The following STK3 variants were observed in gnomAD, a reference collection of about 807,000 sequenced individuals.
STK3 encodes serine/threonine-protein kinase 3.
STK3 carries 41 observed loss-of-function variants against 58.0 expected under a neutral mutation model. The observed-to-expected ratio is 0.71, with a 90% CI of 0.55 to 0.92. The LOEUF (loss-of-function observed/expected upper bound fraction) is 0.92, where lower values mean the gene tolerates loss of function less well. Ranked by LOEUF, STK3 falls within the 40% of genes least tolerant of loss-of-function variation. The pLI is 0.00. For missense variants in STK3, 479 were observed against 602.7 expected, an observed-to-expected ratio of 0.79 and a Z score of 2.15; for synonymous variants, 170 against 191.0, an observed-to-expected ratio of 0.89 and a Z score of 0.91.
intron 1 of STK3, among the ~76,000 whole-genome samples, chr8:98,930,540 A>T (rs1187156510): frequency 1.3e-5 from 2 of 151,308 alleles, no homozygotes; most frequent in East Asian, 1.9e-4. Flanking sequence ...TATGTAGCTT[A>T]AAAAAAAATG....
intron 6 of STK3, among the ~76,000 whole-genome samples, chr8:98,662,087 T>C (rs994033528): frequency 3.3e-5 from 5 of 152,232 alleles, no homozygotes; most frequent in Admixed American, 3.3e-4. Context: ...ATGGAGTAAG[T>C]GTTTAATCAA....
At chr8:98,587,597 G>A (rs1365586388) in intron 7 of STK3, among the ~76,000 whole-genome samples, 7 of 152,240 alleles carry the variant, frequency 4.6e-5, no homozygotes, top group East Asian at 1.9e-4. Context: ...GGAGAGTTCT[G>A]TAGATGTCTA....
At chr8:98,614,548 C>A (rs895943562) in intron 6 of STK3, among the ~76,000 whole-genome samples, 3 of 152,168 alleles carry the variant, frequency 2.0e-5, no homozygotes, top group African/African-American at 7.2e-5. Context: ...TCTGAGGTAC[C>A]GGGTTCATCT....
rs182759193 is a variant in STK3 at position 98,444,087 on chromosome 8, C to T, written n.186-6879G>A. 7.9e-5 allele frequency among the ~76,000 whole-genome samples: 12 copies of T among 152,306 alleles called. No individual in the cohort carries two copies. In the East Asian group the frequency reaches 1.3e-3, roughly 17 times the overall value. On this transcript the variant is annotated intron_variant and non_coding_transcript_variant, in intron 1 of 3. Transcript: ENST00000517832. ...GCTGGTGCTACAGAGATGAGGAAAA[C>T]GTGGGCACAGTCCTGGCCCTCAGGC...
chr8:98,360,008 T>G, the STK3 span, among the ~76,000 whole-genome samples: 1 of 152,078 alleles, frequency 6.6e-6, no homozygotes, highest in Admixed American at 6.5e-5. Flanking sequence ...CTTGTGTCCT[T>G]TCTCTTTATC....
chr8:98,918,914 C>G (rs1433701152), intron 1 of STK3, among the ~76,000 whole-genome samples: 1 of 151,906 alleles, frequency 6.6e-6, no homozygotes, highest in Non-Finnish European at 1.5e-5. Flanking sequence ...CTGTCAGCCA[C>G]ATCAGGACCG....
At position 98,809,048 on chromosome 8, in the gene STK3, T is replaced by C. The variant is rs186973236; in HGVS notation, c.26+16467A>G. 1.4e-4 allele frequency among the ~76,000 whole-genome samples: 21 copies of C among 152,344 alleles called. No individual in the cohort carries two copies. The East Asian group carries it at 4.0e-3, about 29-fold the overall frequency. On this transcript the variant is annotated intron_variant, in intron 1 of 10. Coordinates refer to ENST00000419617, the MANE Select transcript of STK3 (RefSeq NM_006281.4). ...ACTCAGAGAATTTCTTCTGGATCGA[T>C]GAACACATCCACGTGCTGAAAGAGT... is the stretch of plus-strand genomic sequence containing the variant.
chr8:98,893,460 AAGAAAGAAAGAAAGAAAGAAAGAAAG>A (rs1304982319), intron 1 of STK3, among the ~76,000 whole-genome samples: 52 of 107,920 alleles, frequency 4.8e-4, no homozygotes, highest in Middle Eastern at 4.2e-3. Flanking sequence ...GAAAGAAAGA[AAGAAAGAAAGAAAGAAAGAAAGAAAG>A]AGAAAGAAAG....
intron 6 of STK3, among the ~76,000 whole-genome samples, chr8:98,695,902 A>C (rs1263593415): frequency 6.6e-6 from 1 of 152,174 alleles, no homozygotes; most frequent in African/African-American, 2.4e-5. Context: ...TCTGTGAAGA[A>C]AGTCATTGGT....
intron 1 of STK3, among the ~76,000 whole-genome samples, chr8:98,812,244 G>A (rs548590813): frequency 7.9e-5 from 12 of 152,160 alleles, no homozygotes; most frequent in East Asian, 1.9e-4. Flanking sequence ...AGTGAACATC[G>A]TCTTTTTATA....
At chr8:98,827,673 T>A (rs573942492), upstream of STK3, among the ~76,000 whole-genome samples, 19 of 152,190 alleles carry the variant, frequency 1.2e-4, no homozygotes, top group Admixed American at 2.0e-4. Flanking sequence ...TTTTGTTTTT[T>A]TGAGACAGGT....
intron 6 of STK3, among the ~76,000 whole-genome samples, chr8:98,685,748 G>C (rs1823940324): frequency 6.6e-6 from 1 of 151,402 alleles, no homozygotes; most frequent in South Asian, 2.1e-4. Context: ...ACCTAAAATA[G>C]GCAAAAAAAT....
chr8:98,741,196 A>C, intron 4 of STK3, among the ~76,000 whole-genome samples: 1 of 152,196 alleles, frequency 6.6e-6, no homozygotes, highest in East Asian at 1.9e-4. Context: ...CCAGACAGAA[A>C]GTTAACAAGG....
At chr8:98,649,625 A>C (rs1820713748) in intron 6 of STK3, among the ~76,000 whole-genome samples, 1 of 152,218 alleles carries the variant, frequency 6.6e-6, no homozygotes, top group African/African-American at 2.4e-5. Context: ...TTGTAATTAC[A>C]GTAGCTTTAG....
At chr8:98,356,415 C>T in the STK3 span, among the ~76,000 whole-genome samples, 1 of 152,136 alleles carries the variant, frequency 6.6e-6, no homozygotes, top group Non-Finnish European at 1.5e-5. Context: ...AGCTGACGCT[C>T]AGCTTAGTTC....
intron 1 of STK3, among the ~76,000 whole-genome samples, chr8:98,447,661 C>T: frequency 7.0e-6 from 1 of 142,658 alleles, no homozygotes; most frequent in Non-Finnish European, 1.5e-5. Context: ...CTGTATATTG[C>T]AATACTATAT....
At chr8:98,685,152 C>CA (rs1396523252) in intron 6 of STK3, among the ~76,000 whole-genome samples, 1 of 152,090 alleles carries the variant, frequency 6.6e-6, no homozygotes, top group Non-Finnish European at 1.5e-5. Context: ...GTCAGTATCC[C>CA]ACATTAAAAT....
intron 7 of STK3, among the ~76,000 whole-genome samples, chr8:98,587,431 G>T (rs1448836203): frequency 6.6e-6 from 1 of 151,988 alleles, no homozygotes; most frequent in African/African-American, 2.4e-5. Flanking sequence ...TTAATCCTGA[G>T]TTCTAGTTTG....
intron 6 of STK3, among the ~76,000 whole-genome samples, chr8:98,596,781 C>G (rs892616144): frequency 1.3e-5 from 2 of 151,392 alleles, no homozygotes; most frequent in African/African-American, 4.9e-5. Flanking sequence ...CCTCAAAAAT[C>G]AAAAGCCATA....
Sources: allele counts gnomAD v4.1 joint callset (sites outside exome capture counted in the v4.1 genomes callset), GRCh38; gene constraint gnomAD v4.1.1; transcripts MANE v1.5; gene names NCBI Gene and HGNC (gene_info 2026-07-23, HGNC 2026-07-21).